Variants in AHNAK observed in about 807,000 individuals in gnomAD.
AHNAK encodes neuroblast differentiation-associated protein AHNAK.
A neutral mutation model predicts 37.8 loss-of-function variants in AHNAK; 23 were observed. That is an observed-to-expected ratio of 0.61 (90% confidence interval 0.44 to 0.86). The LOEUF (loss-of-function observed/expected upper bound fraction) is 0.86. Ranked by LOEUF, AHNAK falls within the 40% of genes least tolerant of loss-of-function variation. The probability of loss-of-function intolerance (pLI) is 0.00; values close to 1 mark genes in which losing one functional copy is unlikely to be tolerated. For missense variants in AHNAK, 7,411 were observed against 7,319.4 expected, an observed-to-expected ratio of 1.01 and a Z score of -0.46; for synonymous variants, 2,481 against 2,636.3, an observed-to-expected ratio of 0.94 and a Z score of 1.80.
At position 62,526,303 on chromosome 11, in the gene AHNAK, G is replaced by A; in HGVS notation, c.8114C>T (p.Pro2705Leu). ...GTCAATATCAGGCATGGAGATCTTG[G>A]GGGCTTTGATATTCATCTCTGGCAT... Reference protein sequence around the residue: ...FKMPEMNIKAPKISMPDIDLN... With the variant: ...FKMPEMNIKALKISMPDIDLN... Residue 2705 changes from proline to leucine, a missense_variant, in exon 5 of 5, where the codon CCC becomes CTC. Coordinates refer to ENST00000378024, the MANE Select transcript of AHNAK (RefSeq NM_001620.3). The A allele has an allele frequency of 1.2e-6, 2 of 1,613,792 alleles. No individual in the cohort carries two copies. The highest frequency in any genetic ancestry group is 1.7e-6 in the Non-Finnish European group (2 of 1,179,972).
intron 4 of AHNAK, among the ~76,000 whole-genome samples, chr11:62,507,710 G>A (rs1346364529): frequency 6.6e-6 from 1 of 152,164 alleles, no homozygotes; most frequent in Non-Finnish European, 1.5e-5. Context: ...GAATCCAGGA[G>A]GCAGAGGTTG....
Position 62,523,790 on chromosome 11 carries a change from T to G in AHNAK, c.10627A>C (p.Ile3543Leu), listed in dbSNP as rs761122302. 1.1e-5 allele frequency: 18 copies of G among 1,613,986 alleles called. No homozygotes were observed. The South Asian group carries it at 1.9e-4, about 17-fold the overall frequency. The change falls in exon 5 of 5, where the codon ATC becomes CTC. Residue 3543 changes from isoleucine to leucine, a missense_variant. Transcript: ENST00000378024. ...MPDMNIKAPK[I>L]SMPDIDLNLK... ...TTTAAGTCAATGTCAGGCATGGAGATCTTGGGAGCTTTGATATTCATGTCA... is the reference window on the plus strand; with the variant it reads ...TTTAAGTCAATGTCAGGCATGGAGAGCTTGGGAGCTTTGATATTCATGTCA...
rs748847191 is a variant in AHNAK, at chr11:62,529,260, C to T, written c.5157G>A (p.Lys1719=). ...HLKMPKMKMP[K]FSMPGFKAEG... The stretch of plus-strand genomic sequence containing the variant: ...CTGCTTTGAAGCCAGGCATACTGAA[C>T]TTGGGCATTTTCATCTTGGGCATTT... Residue 1719 remains lysine, a synonymous_variant, in exon 5 of 5, where the codon AAG becomes AAA. Coordinates refer to ENST00000378024, the MANE Select transcript of AHNAK (RefSeq NM_001620.3). The T allele has an allele frequency of 2.5e-6, 4 of 1,614,080 alleles. No homozygotes were observed. Among genetic ancestry groups the T allele is most frequent in the Non-Finnish European group, 2.5e-6 (3 of 1,180,042 alleles).
At chr11:62,478,826 A>T (rs1939202978) in intron 5 of AHNAK, among the ~76,000 whole-genome samples, 1 of 151,588 alleles carries the variant, frequency 6.6e-6, no homozygotes, top group South Asian at 2.1e-4. Flanking sequence ...ATACACCATT[A>T]AAAAAATCCC....
At chr11:62,485,701 C>CAAAA (rs1286819688) in intron 5 of AHNAK, among the ~76,000 whole-genome samples, 25 of 51,926 alleles carry the variant, frequency 4.8e-4, no homozygotes, top group African/African-American at 1.4e-3. Flanking sequence ...GACTCCATCT[C>CAAAA]AAAAAAAAAA....
intron 5 of AHNAK, among the ~76,000 whole-genome samples, chr11:62,449,037 C>T (rs998827662): frequency 3.9e-5 from 6 of 152,098 alleles, no homozygotes; most frequent in African/African-American, 1.4e-4. Flanking sequence ...CACTGCACTC[C>T]AGCCTGGGTG....
chr11:62,450,718 A>G (rs528999485), intron 5 of AHNAK, among the ~76,000 whole-genome samples: 15 of 152,326 alleles, frequency 9.8e-5, no homozygotes, highest in Admixed American at 2.0e-4. Flanking sequence ...TCCACCAGAG[A>G]GAGGAAGTCA....
At chr11:62,454,171 TG>T (rs1938601914) in intron 5 of AHNAK, among the ~76,000 whole-genome samples, 1 of 151,152 alleles carries the variant, frequency 6.6e-6, no homozygotes, top group African/African-American at 2.4e-5. Flanking sequence ...CCCAGCACTT[TG>T]GGAGGCGGAG....
Position 62,529,170 on chromosome 11 carries a change from G to A in AHNAK, c.5247C>T (p.Asp1749=). 1.9e-6 allele frequency: 3 copies of A among 1,614,098 alleles called. No individual in the cohort carries two copies. The highest frequency in any genetic ancestry group is 2.2e-5 in the South Asian group (2 of 91,074). Residue 1749 remains aspartate, a synonymous_variant, in exon 5 of 5, where the codon GAC becomes GAT. Coordinates refer to ENST00000378024, the MANE Select transcript of AHNAK (RefSeq NM_001620.3). The part of the protein sequence containing the change: ...ADIDVSGPSV[D]TDAPDLDIEG... ...CAATATCCAAATCAGGAGCATCAGT[G>A]TCCACACTGGGTCCAGACACATCAA...
At position 62,530,551 on chromosome 11, in the gene AHNAK, T is replaced by C. The variant is rs1940699151; in HGVS notation, c.3866A>G (p.Lys1289Arg). ...PKADIDVSGP[K>R]VDVEVPDVSL... ...CACATCTGGGACTTCAACATCCACC[T>C]TGGGTCCTGAGACATCAATGTCAGC... The change falls in exon 5 of 5, where the codon AAG becomes AGG. Residue 1289 changes from lysine (K) to arginine (R), a missense_variant. Coordinates refer to ENST00000378024, the MANE Select transcript of AHNAK (RefSeq NM_001620.3). 3 of 1,611,400 alleles carry C rather than the reference T, an allele frequency of 1.9e-6. No individual in the cohort carries two copies. In the East Asian group the frequency reaches 6.7e-5, roughly 36 times the overall value.
At chr11:62,468,880 C>A (rs1938973516) in intron 5 of AHNAK, among the ~76,000 whole-genome samples, 1 of 152,242 alleles carries the variant, frequency 6.6e-6, no homozygotes, top group Non-Finnish European at 1.5e-5. Flanking sequence ...CTTTCCTCAG[C>A]TCTTTTCTGT....
intron 5 of AHNAK, among the ~76,000 whole-genome samples, chr11:62,481,408 T>C (rs1016297220): frequency 4.6e-5 from 7 of 151,556 alleles, no homozygotes; most frequent in African/African-American, 1.7e-4. Flanking sequence ...TACCTGGCCT[T>C]GGGCTTCCCC....
exon 6 of AHNAK, chr11:62,433,634 G>A: frequency 1.7e-6 from 1 of 577,856 alleles, no homozygotes; most frequent in Non-Finnish European, 3.1e-6. Context: ...CCAAACCTAA[G>A]CCCACACTCT....
chr11:62,440,639 A>G (rs1316798189), intron 5 of AHNAK, among the ~76,000 whole-genome samples: 1 of 151,924 alleles, frequency 6.6e-6, no homozygotes, highest in African/African-American at 2.4e-5. Flanking sequence ...ATCAGGGGGG[A>G]AATGATGCTT....
At position 62,532,624 on chromosome 11, in the gene AHNAK, A is replaced by C. The variant is rs1265595243; in HGVS notation, c.1793T>G (p.Val598Gly). The C allele has an allele frequency of 1.9e-6, 3 of 1,613,820 alleles. No homozygotes were observed. The Admixed American group carries it at 5.0e-5, about 27-fold the overall frequency. ...DVTLPRVEGK[V>G]KVPEVDVRGP... is the part of the protein sequence containing the mutation. The stretch of plus-strand genomic sequence containing the variant: ...TCTGACATCAACTTCAGGGACTTTG[A>C]CTTTCCCTTCTACTCTGGGGAGTGT... Residue 598 changes from valine to glycine, a missense_variant, in exon 5 of 5, where the codon GTC becomes GGC. Physicochemically the swap from Val to Gly is moderately radical, Grantham distance 109. Transcript: ENST00000378024.
rs1411390191 is a variant in AHNAK at position 62,526,118 on chromosome 11, G to T, written c.8299C>A (p.Pro2767Thr). The change falls in exon 5 of 5, where the codon CCC becomes ACC. Residue 2767 changes from proline (P) to threonine (T), a missense_variant. By Grantham distance (38) the Pro-to-Thr change is conservative. Coordinates refer to ENST00000378024, the MANE Select transcript of AHNAK (RefSeq NM_001620.3). The stretch of plus-strand genomic sequence containing the variant: ...CTGATCTTGGGCATTTTTATCTTGG[G>T]CATCTTTAGGTGCCAGTCTGGGCCA... Reference protein sequence around the residue: ...VHGPDWHLKMPKIKMPKISMP... With the variant: ...VHGPDWHLKMTKIKMPKISMP... The T allele has an allele frequency of 6.2e-7, 1 of 1,613,368 alleles. No individual in the cohort carries two copies. The highest frequency in any genetic ancestry group is 1.3e-5 in the African/African-American group (1 of 74,674).
intron 5 of AHNAK, among the ~76,000 whole-genome samples, chr11:62,482,367 A>G (rs1235168917): frequency 6.6e-6 from 1 of 151,978 alleles, no homozygotes; most frequent in East Asian, 1.9e-4. Flanking sequence ...GTGAGCTGAG[A>G]TCGCGCCACT....
intron 5 of AHNAK, among the ~76,000 whole-genome samples, chr11:62,444,492 G>A (rs1021014673): frequency 6.6e-6 from 1 of 152,268 alleles, no homozygotes; most frequent in African/African-American, 2.4e-5. Context: ...CTGTCTGCCA[G>A]GAGATTAGGC....
At chr11:62,469,061 C>T (rs1938976130) in intron 5 of AHNAK, among the ~76,000 whole-genome samples, 1 of 152,200 alleles carries the variant, frequency 6.6e-6, no homozygotes, top group South Asian at 2.1e-4. Context: ...AAGCGATCCT[C>T]CCACCTCTGC....
Sources: gnomAD v4.1 joint callset for allele counts (sites outside exome capture counted in the v4.1 genomes callset) on GRCh38, gnomAD v4.1.1 for gene constraint, MANE v1.5 for transcripts, NCBI Gene and HGNC (gene_info 2026-07-23, HGNC 2026-07-21) for gene names.